Variants in ZNF708 observed in about 807,000 individuals in gnomAD.
ZNF708 encodes zinc finger protein 708.
ZNF708 carries 44 observed loss-of-function variants against 47.0 expected under a neutral mutation model. The ratio of observed to expected loss-of-function variants is 0.94; its 90% CI spans 0.74 to 1.20. ZNF708 has a LOEUF of 1.20. ZNF708 is among the 50% of genes most tolerant of loss of function. The probability of loss-of-function intolerance (pLI) is 0.00; values close to 1 mark genes in which losing one functional copy is unlikely to be tolerated. For missense variants in ZNF708, 557 were observed against 656.0 expected (o/e 0.85, Z 1.65); for synonymous variants, 184 against 218.5 (o/e 0.84, Z 1.39).
intron 3 of ZNF708, among the ~76,000 whole-genome samples, chr19:21,300,645 T>TATG (rs997616509): frequency 3.3e-5 from 5 of 151,998 alleles, no homozygotes; most frequent in Non-Finnish European, 7.4e-5. Flanking sequence ...CATTGTCATA[T>TATG]ACAATTTATT....
At chr19:21,308,616 GC>G (rs1360561908) in intron 3 of ZNF708, among the ~76,000 whole-genome samples, 1 of 151,910 alleles carries the variant, frequency 6.6e-6, no homozygotes, top group African/African-American at 2.4e-5. Flanking sequence ...TCCTTATGTT[GC>G]CCAGGTTGGT....
Position 21,291,815 on chromosome 19 carries a change from A to C in ZNF708, c.*1459T>G, listed in dbSNP as rs1972400486. ...AGGAGGCAGAGGTTGCAGCGAGCTGAGATTGTGCCACTGCACTCCAGCCTG... is the reference window on the plus strand; with the variant it reads ...AGGAGGCAGAGGTTGCAGCGAGCTGCGATTGTGCCACTGCACTCCAGCCTG... On this transcript the variant is annotated 3_prime_UTR_variant, in exon 4 of 4. Coordinates refer to ENST00000356929, the MANE Select transcript of ZNF708 (RefSeq NM_021269.3). The C allele has an allele frequency of 6.6e-6, 1 of 152,228 alleles. No individual in the cohort carries two copies. The highest frequency in any genetic ancestry group is 6.6e-5 in the Admixed American group (1 of 15,266). 9.4% of individuals were successfully genotyped at this position (152,228 alleles called of 1,614,324 possible). A position where few individuals can be genotyped will look rare whatever the true frequency, so the allele number is the denominator to read the frequency against.
intron 3 of ZNF708, among the ~76,000 whole-genome samples, chr19:21,300,654 T>C (rs1404884371): frequency 1.3e-5 from 2 of 151,692 alleles, no homozygotes; most frequent in African/African-American, 4.9e-5. Context: ...ATACAATTTA[T>C]TATTATTATT....
Position 21,291,329 on chromosome 19 carries a change from C to T in ZNF708, c.*1945G>A, listed in dbSNP as rs487991. On this transcript the variant is annotated 3_prime_UTR_variant, in exon 4 of 4. Coordinates refer to ENST00000356929, the MANE Select transcript of ZNF708 (RefSeq NM_021269.3). ...TCAATATCATAATTAACCACAAATACCATCTCCACTTAGATTTTCATCATG... is the reference window on the plus strand; with the variant it reads ...TCAATATCATAATTAACCACAAATATCATCTCCACTTAGATTTTCATCATG... The T allele has an allele frequency of 0.92, 139,614 of 152,150 alleles. 64,454 individuals carry two copies. Among genetic ancestry groups the T allele is most frequent in the Middle Eastern group, 0.98 (289 of 294 alleles). The allele number at this position is 152,150 out of a possible 1,614,324, so 9.4% of individuals were successfully genotyped here.
chr19:21,299,626 A>G (rs1293134486), intron 3 of ZNF708, among the ~76,000 whole-genome samples: 1 of 151,576 alleles, frequency 6.6e-6, no homozygotes, highest in Non-Finnish European at 1.5e-5. Context: ...ACAAAAAATT[A>G]GCTAGGGGTG....
intron 1 of ZNF708, among the ~76,000 whole-genome samples, chr19:21,325,498 T>TGTAGCC (rs1568356500): frequency 6.6e-6 from 1 of 152,212 alleles, no homozygotes; most frequent in Non-Finnish European, 1.5e-5. Context: ...GGTACTGGGA[T>TGTAGCC]AATTGGCTAG....
rs902101645 is a variant in ZNF708, at chr19:21,295,114, C to T, written c.227-375G>A. 2.4e-4 allele frequency among the ~76,000 whole-genome samples: 37 copies of T among 152,234 alleles called. 1 individual carries two copies. The highest frequency in any genetic ancestry group is 9.8e-4 in the Admixed American group (15 of 15,288). ...CTAAAAAAAATAGTGTCACATACAT[C>T]TTTATTTCTGGCTCTTAGGGGCCTT... On this transcript the variant is annotated intron_variant, in intron 3 of 3. Transcript: ENST00000356929.
At position 21,291,212 on chromosome 19, in the gene ZNF708, A is replaced by G. The variant is rs1291727238; in HGVS notation, c.*2062T>C. 4.3e-5 allele frequency: 1 copy of G among 23,430 alleles called. No homozygotes were observed. The highest frequency in any genetic ancestry group is 2.5e-4 in the Non-Finnish European group (1 of 4,030). 1.5% of individuals were successfully genotyped at this position (23,430 alleles called of 1,614,324 possible). A position where few individuals can be genotyped will look rare whatever the true frequency, so the allele number is the denominator to read the frequency against. On this transcript the variant is annotated 3_prime_UTR_variant, in exon 4 of 4. Coordinates refer to ENST00000356929, the MANE Select transcript of ZNF708 (RefSeq NM_021269.3). ...ATTACATAAAAGTACAAATAGTAAA[A>G]TAACGTACTAATTTTTTAATTTTAA...
chr19:21,327,356 C>T (rs1343634786), intron 1 of ZNF708, among the ~76,000 whole-genome samples: 1 of 151,920 alleles, frequency 6.6e-6, no homozygotes, highest in Non-Finnish European at 1.5e-5. Flanking sequence ...ATGGAGAAAC[C>T]CCATCTCTAC....
intron 3 of ZNF708, among the ~76,000 whole-genome samples, chr19:21,298,910 A>G (rs895460392): frequency 6.6e-5 from 10 of 152,354 alleles, no homozygotes; most frequent in African/African-American, 2.4e-4. Flanking sequence ...TATAACAACT[A>G]TAAAGATAAA....
intron 1 of ZNF708, among the ~76,000 whole-genome samples, chr19:21,313,202 C>T (rs1287793338): frequency 3.3e-5 from 5 of 149,404 alleles, no homozygotes; most frequent in African/African-American, 7.4e-5. Context: ...GTGGGAGAAT[C>T]GCTTGAACCC....
intron 3 of ZNF708, among the ~76,000 whole-genome samples, chr19:21,296,924 G>C (rs1368492037): frequency 6.6e-6 from 1 of 151,848 alleles, no homozygotes; most frequent in Non-Finnish European, 1.5e-5. Flanking sequence ...CCTGACGTCA[G>C]GAGTTCAGGA....
At chr19:21,326,135 C>T (rs557625883) in intron 1 of ZNF708, among the ~76,000 whole-genome samples, 2 of 152,288 alleles carry the variant, frequency 1.3e-5, no homozygotes, top group Non-Finnish European at 2.9e-5. Context: ...CTAGAAAAGC[C>T]ACTATGGAAA....
chr19:21,306,307 AT>A (rs1374589287), intron 3 of ZNF708, among the ~76,000 whole-genome samples: 1 of 152,172 alleles, frequency 6.6e-6, no homozygotes, highest in Admixed American at 6.6e-5. Flanking sequence ...ATGGGTGAAA[AT>A]ATTTGCAAAT....
chr19:21,303,182 GTT>G (rs1194734428), intron 3 of ZNF708, among the ~76,000 whole-genome samples: 1 of 152,146 alleles, frequency 6.6e-6, no homozygotes, highest in Non-Finnish European at 1.5e-5. Flanking sequence ...AGTTTGGAAA[GTT>G]GAGGCTGCAG....
intron 1 of ZNF708, among the ~76,000 whole-genome samples, chr19:21,326,531 T>C (rs1416447365): frequency 6.6e-6 from 1 of 152,164 alleles, no homozygotes; most frequent in Non-Finnish European, 1.5e-5. Flanking sequence ...ATAAGAATGA[T>C]ACAATGGACT....
intron 3 of ZNF708, among the ~76,000 whole-genome samples, chr19:21,295,497 G>C (rs1188624731): frequency 6.6e-6 from 1 of 152,126 alleles, no homozygotes; most frequent in Non-Finnish European, 1.5e-5. Flanking sequence ...TGTAATCCCA[G>C]CATTTTGGGA....
At chr19:21,298,735 A>G (rs1972595440) in intron 3 of ZNF708, among the ~76,000 whole-genome samples, 1 of 152,202 alleles carries the variant, frequency 6.6e-6, no homozygotes. Context: ...ACTTTCACAT[A>G]TATGGTCATA....
chr19:21,310,960 G>A (rs1972887450), intron 1 of ZNF708, among the ~76,000 whole-genome samples: 1 of 152,116 alleles, frequency 6.6e-6, no homozygotes, highest in South Asian at 2.1e-4. Flanking sequence ...TTTTCAGATG[G>A]AAAAGACATG....
Sources: allele counts gnomAD v4.1 joint callset (sites outside exome capture counted in the v4.1 genomes callset), GRCh38; gene constraint gnomAD v4.1.1; transcripts MANE v1.5; gene names NCBI Gene and HGNC (gene_info 2026-07-23, HGNC 2026-07-21).